BPTF: variants seen among roughly 807,000 people sequenced by gnomAD.
BPTF encodes the protein nucleosome-remodeling factor subunit BPTF.
A neutral mutation model predicts 292.5 loss-of-function variants in BPTF; 18 were observed. The ratio of observed to expected loss-of-function variants is 0.06; its 90% CI spans 0.04 to 0.09. The LOEUF (loss-of-function observed/expected upper bound fraction) is 0.09. Among genes scored for constraint, BPTF ranks in the 10% least tolerant of loss-of-function variants. BPTF has a pLI of 1.00. For synonymous variants in BPTF, 1,225 were observed against 1,251.9 expected (o/e 0.98, Z 0.45); for missense variants, 2,726 against 3,498.7 (o/e 0.78, Z 5.57).
chr17:67,891,693 A>G (rs2061123575), intron 4 of BPTF, 151 bp from the exon 5 acceptor site: 1 of 456,806 alleles, frequency 2.2e-6, no homozygotes, highest in South Asian at 7.2e-5. Context: ...CTTAAGGAAT[A>G]ATGATACTTG....
rs1248878550 is a variant in BPTF, at chr17:67,866,615, C to T, written c.1588C>T (p.His530Tyr). ...LEEMREEIHR[H>Y]MDITEDLTNK... ...AGAAATGCGTGAAGAAATCCACCGA[C>T]ACATGGACATAACTGAAGACCTGAC... Residue 530 changes from histidine to tyrosine, a missense_variant, in exon 3 of 28, where the codon CAC (histidine) becomes TAC (tyrosine). Coordinates refer to ENST00000306378, the MANE Select transcript of BPTF (RefSeq NM_182641.4). 5 of 1,613,934 alleles carry T rather than the reference C, an allele frequency of 3.1e-6. No individual in the cohort carries two copies. The highest frequency in any genetic ancestry group is 4.2e-6 in the Non-Finnish European group (5 of 1,179,860).
chr17:67,846,823 C>T (rs1297623346), intron 1 of BPTF, among the ~76,000 whole-genome samples: 1 of 152,148 alleles, frequency 6.6e-6, no homozygotes, highest in Admixed American at 6.5e-5. Context: ...GCCTCAGCTT[C>T]TGGAGTAGCT....
rs7214758 is a variant in BPTF, at chr17:67,884,422, T to C, written c.1865-7422T>C. On this transcript the variant is annotated intron_variant, in intron 4 of 27. Transcript: ENST00000306378. ...TGAGCCACTACCCCTGGCCCCTCCC[T>C]TTTTTTTTTTTCTGACAAGTTCTCA... Among the ~76,000 whole-genome samples, 38 of 67,968 alleles carry C rather than the reference T, an allele frequency of 5.6e-4. 1 individual carries two copies. The East Asian group carries it at 0.042, about 75-fold the overall frequency. The allele number at this position is 67,968 out of a possible 152,430, so 44.6% of individuals were successfully genotyped here.
At chr17:67,844,166 G>A (rs71382155) in intron 1 of BPTF, among the ~76,000 whole-genome samples, 50 of 133,152 alleles carry the variant, frequency 3.8e-4, no homozygotes, top group Non-Finnish European at 6.4e-4. Flanking sequence ...TGCAACCTCC[G>A]CCTCCCAGGT....
At chr17:67,860,626 C>T (rs2059018248) in intron 2 of BPTF, among the ~76,000 whole-genome samples, 1 of 152,328 alleles carries the variant, frequency 6.6e-6, no homozygotes, top group Middle Eastern at 3.4e-3. Flanking sequence ...CAATCCTTTG[C>T]TCTGAAATTA....
intron 1 of BPTF, among the ~76,000 whole-genome samples, chr17:67,853,378 C>T (rs1010611581): frequency 6.6e-6 from 1 of 152,140 alleles, no homozygotes; most frequent in African/African-American, 2.4e-5. Flanking sequence ...TTTCTGTCTT[C>T]ACCTTGAGCC....
chr17:67,883,410 A>G (rs954780479), intron 4 of BPTF, among the ~76,000 whole-genome samples: 23 of 152,194 alleles, frequency 1.5e-4, no homozygotes, highest in South Asian at 2.1e-4. Context: ...TTGTATTTCT[A>G]TAATAACTTT....
At chr17:67,842,817 CAAAAAAA>C (rs60085248) in intron 1 of BPTF, among the ~76,000 whole-genome samples, 305 of 47,824 alleles carry the variant, frequency 6.4e-3, no homozygotes, top group African/African-American at 0.021. Context: ...CAATTAAGGC[CAAAAAAA>C]AAAAAAAAAA....
intron 12 of BPTF, 97 bp downstream of exon 12, chr17:67,918,935 G>T (rs572459085): frequency 6.4e-4 from 827 of 1,300,940 alleles, no homozygotes; most frequent in Non-Finnish European, 8.3e-4. Context: ...CACTTTGGGA[G>T]GCTGAGGCAG....
chr17:67,952,723 T>C (rs1348428112), intron 23 of BPTF, among the ~76,000 whole-genome samples: 4 of 152,168 alleles, frequency 2.6e-5, no homozygotes, highest in African/African-American at 4.8e-5. Context: ...CGAAAGTCCA[T>C]AGTTTACATT....
chr17:67,833,210 T>C lies in BPTF; in HGVS notation c.613+6873T>C, dbSNP rs535190329. 3.3e-5 allele frequency among the ~76,000 whole-genome samples: 5 copies of C among 152,268 alleles called. No individual in the cohort carries two copies. The South Asian group carries it at 1.0e-3, about 32-fold the overall frequency. On this transcript the variant is annotated intron_variant, in intron 1 of 27. Coordinates refer to ENST00000306378, the MANE Select transcript of BPTF (RefSeq NM_182641.4). ...CATATCTTAACATGTATCAGTACTA[T>C]ATTTGAATAACACTTCATTGTATGG...
At position 67,982,396 on chromosome 17, in the gene BPTF, A is replaced by T. The variant is rs2070526393; in HGVS notation, c.*108A>T. ...AGTCAGGCTATCCTGACAAGACTTG[A>T]CCTAAACTTCGTTTTTATTGGTCAT... On this transcript the variant is annotated 3_prime_UTR_variant, in exon 28 of 28. Transcript: ENST00000306378. 9.4e-7 allele frequency: 1 copy of T among 1,065,318 alleles called. No individual in the cohort carries two copies. 66.0% of individuals were successfully genotyped at this position (1,065,318 alleles called of 1,614,324 possible). A position where few individuals can be genotyped will look rare whatever the true frequency, so the allele number is the denominator to read the frequency against.
chr17:67,944,234 G>A lies in BPTF; in HGVS notation c.6562G>A (p.Val2188Ile). The stretch of plus-strand genomic sequence containing the variant: ...GCAGTTGATACCTCAAGGGGTGACT[G>A]TACTCCCAGGCCCAGGCCAGCAGCT... ...QLQLIPQGVT[V>I]LPGPGQQLMQ... is the part of the protein sequence containing the mutation. Residue 2188 changes from valine to isoleucine, a missense_variant, in exon 20 of 28, where the codon GTA becomes ATA. Coordinates refer to ENST00000306378, the MANE Select transcript of BPTF (RefSeq NM_182641.4). 3.1e-6 allele frequency: 5 copies of A among 1,614,154 alleles called. No homozygotes were observed. Among genetic ancestry groups the A allele is most frequent in the East Asian group, 2.2e-5 (1 of 44,876 alleles).
chr17:67,949,344 A>G lies in BPTF; in HGVS notation c.7926+1038A>G, dbSNP rs2066059182. On this transcript the variant is annotated intron_variant, in intron 23 of 27. Coordinates refer to ENST00000306378, the MANE Select transcript of BPTF (RefSeq NM_182641.4). Reference sequence around the variant, plus strand: ...CGCACCACTGCACTCCAGGAAGCCGAGGCGGGTGGATCACGAGGTCAGGAG... The same window carrying G: ...CGCACCACTGCACTCCAGGAAGCCGGGGCGGGTGGATCACGAGGTCAGGAG... 2.0e-5 allele frequency among the ~76,000 whole-genome samples: 3 copies of G among 152,132 alleles called. No individual in the cohort carries two copies. The South Asian group carries it at 6.2e-4, about 31-fold the overall frequency.
chr17:67,834,434 G>A (rs557959487), intron 1 of BPTF, among the ~76,000 whole-genome samples: 18 of 152,270 alleles, frequency 1.2e-4, no homozygotes, highest in African/African-American at 4.3e-4. Flanking sequence ...ATTAGGTCAA[G>A]TTTGTTGATA....
intron 11 of BPTF, 87 bp downstream of exon 11, chr17:67,913,274 T>TA: frequency 6.8e-7 from 1 of 1,463,484 alleles, no homozygotes; most frequent in Non-Finnish European, 9.1e-7. Context: ...AAAAATGAGA[T>TA]AATAGAGATA....
chr17:67,826,598 T>G (rs573831051), intron 1 of BPTF, among the ~76,000 whole-genome samples: 2 of 139,930 alleles, frequency 1.4e-5, no homozygotes, highest in African/African-American at 5.2e-5. Context: ...CCAACCCCCT[T>G]TTTTTCCTCT....
At chr17:67,899,067 G>T (rs753878185) in intron 7 of BPTF, among the ~76,000 whole-genome samples, 3 of 151,904 alleles carry the variant, frequency 2.0e-5, no homozygotes, top group Non-Finnish European at 4.4e-5. Flanking sequence ...TTTGTTCCAC[G>T]CTGAACTCCA....
chr17:67,939,610 G>C (rs748655526), intron 18 of BPTF, among the ~76,000 whole-genome samples: 2 of 152,238 alleles, frequency 1.3e-5, no homozygotes, highest in Non-Finnish European at 2.9e-5. Flanking sequence ...AGGTGAGGTT[G>C]CTCATGCCTG....
Sources: gnomAD v4.1 joint callset for allele counts (sites outside exome capture counted in the v4.1 genomes callset) on GRCh38, gnomAD v4.1.1 for gene constraint, MANE v1.5 for transcripts, NCBI Gene and HGNC (gene_info 2026-07-23, HGNC 2026-07-21) for gene names.